The following ADGRV1 variants were observed in gnomAD, a reference collection of about 807,000 sequenced individuals.
The protein encoded by ADGRV1 is adhesion G protein-coupled receptor V1.
Under a neutral mutation model 596.2 loss-of-function variants are expected in ADGRV1, and 359 were observed. The observed-to-expected ratio is 0.60, with a 90% CI of 0.55 to 0.66. The LOEUF (loss-of-function observed/expected upper bound fraction) is 0.66, where lower values mean the gene tolerates loss of function less well. ADGRV1 is among the 30% of genes least tolerant of loss of function. ADGRV1 has a pLI of 0.00. For missense variants in ADGRV1, 7,274 were observed against 7,575.6 expected (o/e 0.96, Z 1.48); for synonymous variants, 2,681 against 2,679.2 (o/e 1.00, Z -0.02).
intron 86 of ADGRV1, among the ~76,000 whole-genome samples, chr5:91,085,234 A>G (rs1789761080): frequency 1.3e-5 from 2 of 152,212 alleles, no homozygotes; most frequent in African/African-American, 2.4e-5. Flanking sequence ...ACAGTTAAAA[A>G]ATATTATATA....
intron 83 of ADGRV1, among the ~76,000 whole-genome samples, chr5:90,883,683 C>A (rs537149261): frequency 3.3e-5 from 5 of 152,258 alleles, no homozygotes; most frequent in African/African-American, 1.2e-4. Context: ...CCTTCTCACA[C>A]CCCCATTTCC....
At position 90,685,776 on chromosome 5, in the gene ADGRV1, T is replaced by C; in HGVS notation, c.6275-4T>C. The C allele has an allele frequency of 6.2e-7, 1 of 1,602,078 alleles. No homozygotes were observed. The highest frequency in any genetic ancestry group is 8.5e-7 in the Non-Finnish European group (1 of 1,176,104). On this transcript the variant is annotated splice_polypyrimidine_tract_variant and splice_region_variant and intron_variant, in intron 28 of 89. Transcript: ENST00000405460. ...GTGTTCTGTGTGGATCTTCTGTCTT[T>C]CAGTTCCAAATTCTCCACGTCTTGG... is the stretch of plus-strand genomic sequence containing the variant.
At chr5:91,043,701 T>A (rs1489136453) in intron 85 of ADGRV1, among the ~76,000 whole-genome samples, 4 of 152,072 alleles carry the variant, frequency 2.6e-5, no homozygotes. Flanking sequence ...TAGCACTTAG[T>A]GGGCAATACT....
In ADGRV1 at chr5:90,663,365, A is replaced by G. The variant is rs1306658638; in HGVS notation, c.4752+5087A>G. On this transcript the variant is annotated intron_variant, in intron 21 of 89. Coordinates refer to ENST00000405460, the MANE Select transcript of ADGRV1 (RefSeq NM_032119.4). Reference sequence around the variant, plus strand: ...ATTTGCATTTCTCTGATGGCCAGTGATGATGAGCATTTTTTCATGTGTTTT... The same window carrying G: ...ATTTGCATTTCTCTGATGGCCAGTGGTGATGAGCATTTTTTCATGTGTTTT... 1.7e-3 allele frequency among the ~76,000 whole-genome samples: 254 copies of G among 151,444 alleles called. 1 individual carries two copies. The highest frequency in any genetic ancestry group is 5.5e-3 in the African/African-American group (228 of 41,160).
At chr5:90,648,838 C>T (rs887284174) in intron 17 of ADGRV1, among the ~76,000 whole-genome samples, 1 of 152,054 alleles carries the variant, frequency 6.6e-6, no homozygotes, top group African/African-American at 2.4e-5. Flanking sequence ...TTCACAATTG[C>T]AAAAAACATC....
intron 83 of ADGRV1, among the ~76,000 whole-genome samples, chr5:90,925,511 T>A (rs1341330197): frequency 6.6e-6 from 1 of 152,234 alleles, no homozygotes; most frequent in Non-Finnish European, 1.5e-5. Context: ...AAGTTGCTTA[T>A]CAGCTTAAGG....
Position 90,606,671 on chromosome 5 carries a change from C to T in ADGRV1, c.23-8164C>T, listed in dbSNP as rs566161525. Among the ~76,000 whole-genome samples, 6 of 152,126 alleles carry T rather than the reference C, an allele frequency of 3.9e-5. No homozygotes were observed. The South Asian group carries it at 1.0e-3, about 26-fold the overall frequency. On this transcript the variant is annotated intron_variant, in intron 1 of 89. Transcript: ENST00000405460. ...TCACTACACCTATCCATTCATTCTC[C>T]AGGGAAGGGTAGACACAATTATGGT...
chr5:90,870,806 C>T (rs1768595044), intron 83 of ADGRV1, among the ~76,000 whole-genome samples: 1 of 152,168 alleles, frequency 6.6e-6, no homozygotes, highest in Non-Finnish European at 1.5e-5. Flanking sequence ...ATCTCCTCCA[C>T]TAATATTTTC....
At chr5:90,862,513 T>C (rs1767704380) in intron 82 of ADGRV1, among the ~76,000 whole-genome samples, 1 of 152,118 alleles carries the variant, frequency 6.6e-6, no homozygotes, top group Non-Finnish European at 1.5e-5. Flanking sequence ...TCAACTCCAG[T>C]AGTATATAGA....
At chr5:90,955,614 AAAT>A (rs1361033132) in intron 83 of ADGRV1, among the ~76,000 whole-genome samples, 1 of 152,214 alleles carries the variant, frequency 6.6e-6, no homozygotes, top group Admixed American at 6.5e-5. Context: ...TCTCATATTG[AAAT>A]ACTTTCCCCC....
chr5:91,074,299 G>C (rs939704182), intron 86 of ADGRV1, among the ~76,000 whole-genome samples: 1 of 152,106 alleles, frequency 6.6e-6, no homozygotes, highest in African/African-American at 2.4e-5. Context: ...GTATCCAATA[G>C]GTAGTTTTTA....
chr5:91,028,649 C>CT (rs1421936575), intron 85 of ADGRV1, among the ~76,000 whole-genome samples: 1 of 150,152 alleles, frequency 6.7e-6, no homozygotes, highest in Non-Finnish European at 1.5e-5. Context: ...GGACCAGCCT[C>CT]TTTAAACACA....
intron 10 of ADGRV1, among the ~76,000 whole-genome samples, chr5:90,636,185 A>G (rs1580537556): frequency 1.4e-5 from 2 of 141,470 alleles, no homozygotes; most frequent in East Asian, 2.5e-4. Flanking sequence ...GCCCTGGTTG[A>G]ATTTTTCTCT....
chr5:91,114,548 G>A (rs1486607532), intron 87 of ADGRV1, among the ~76,000 whole-genome samples: 1 of 151,970 alleles, frequency 6.6e-6, no homozygotes, highest in Non-Finnish European at 1.5e-5. Flanking sequence ...AAGGAGGGAG[G>A]GAGGGAGGAA....
At chr5:91,008,030 A>G (rs1220349080) in intron 85 of ADGRV1, among the ~76,000 whole-genome samples, 4 of 152,186 alleles carry the variant, frequency 2.6e-5, no homozygotes, top group Non-Finnish European at 5.9e-5. Context: ...CTTAAAGCAA[A>G]ATTAATTGTG....
chr5:90,699,306 T>A (rs867037838), intron 34 of ADGRV1, among the ~76,000 whole-genome samples: 1 of 152,188 alleles, frequency 6.6e-6, no homozygotes, highest in Non-Finnish European at 1.5e-5. Flanking sequence ...CAAATCCCTG[T>A]CCTTCACAGC....
chr5:91,108,592 C>A (rs1792094953), intron 87 of ADGRV1, among the ~76,000 whole-genome samples: 1 of 151,254 alleles, frequency 6.6e-6, no homozygotes, highest in Non-Finnish European at 1.5e-5. Flanking sequence ...TCCTCTTTCT[C>A]TACAGTCTTT....
intron 33 of ADGRV1, among the ~76,000 whole-genome samples, chr5:90,695,242 T>C (rs188112584): frequency 1.5e-3 from 224 of 152,272 alleles, no homozygotes; most frequent in African/African-American, 5.2e-3. Flanking sequence ...ATACTGTTCC[T>C]ACACTTGAGA....
At chr5:91,111,234 T>C (rs1276041933) in intron 87 of ADGRV1, among the ~76,000 whole-genome samples, 2 of 152,200 alleles carry the variant, frequency 1.3e-5, no homozygotes, top group African/African-American at 4.8e-5. Context: ...TCACTCGCTC[T>C]CTTACTCTCC....
Sources: allele counts gnomAD v4.1 joint callset (sites outside exome capture counted in the v4.1 genomes callset), GRCh38; gene constraint gnomAD v4.1.1; transcripts MANE v1.5; gene names NCBI Gene and HGNC (gene_info 2026-07-23, HGNC 2026-07-21).